The following SPATA9 variants were observed in gnomAD, a reference collection of about 807,000 sequenced individuals.
The protein encoded by SPATA9 is spermatogenesis associated 9.
SPATA9 carries 27 observed loss-of-function variants against 25.5 expected under a neutral mutation model. That is an observed-to-expected ratio of 1.06 (90% CI 0.78 to 1.46). SPATA9 has a LOEUF of 1.46. Among genes scored for constraint, SPATA9 ranks in the 40% most tolerant of loss-of-function variants. The pLI, the probability that SPATA9 is intolerant of heterozygous loss-of-function variation, is 0.00. For synonymous variants in SPATA9, 102 were observed against 105.7 expected, an observed-to-expected ratio of 0.97 and a Z score of 0.21; for missense variants, 282 against 297.5, an observed-to-expected ratio of 0.95 and a Z score of 0.38.
Position 95,658,804 on chromosome 5 carries a change from T to C in SPATA9, c.584A>G (p.Glu195Gly). ...ESENCRKAFS[E>G]PVLSEPMFAE... ...AAACATAGGCTCCGAAAGCACAGGC[T>C]CAGAAAAGGCTTTTCTACAATTTTC... Residue 195 changes from glutamate to glycine, a missense_variant, in exon 5 of 5, where the codon GAG becomes GGG. Coordinates refer to ENST00000274432, the MANE Select transcript of SPATA9 (RefSeq NM_031952.4). 1.2e-6 allele frequency: 2 copies of C among 1,613,986 alleles called. No homozygotes were observed. Among genetic ancestry groups the C allele is most frequent in the Non-Finnish European group, 1.7e-6 (2 of 1,179,938 alleles).
At chr5:95,712,810 C>A in the SPATA9 span, among the ~76,000 whole-genome samples, 1 of 152,148 alleles carries the variant, frequency 6.6e-6, no homozygotes, top group African/African-American at 2.4e-5. Context: ...CTGTTTTAAG[C>A]CCCTAAACTT....
the SPATA9 span, among the ~76,000 whole-genome samples, chr5:95,726,969 T>C: frequency 6.6e-6 from 1 of 152,116 alleles, no homozygotes; most frequent in Non-Finnish European, 1.5e-5. Flanking sequence ...TCCCCCCTTT[T>C]TTTTTTCAGT....
the SPATA9 span, chr5:95,731,781 C>G: frequency 6.2e-7 from 1 of 1,603,526 alleles, no homozygotes; most frequent in Non-Finnish European, 8.5e-7. Context: ...CGCGCTGTCC[C>G]CCGCACTTCC....
At chr5:95,707,735 G>C in the SPATA9 span, among the ~76,000 whole-genome samples, 8 of 152,126 alleles carry the variant, frequency 5.3e-5, no homozygotes, top group Non-Finnish European at 1.2e-4. Flanking sequence ...TTAAGTCCTT[G>C]AGGAGGGAGC....
intron 4 of SPATA9, among the ~76,000 whole-genome samples, chr5:95,662,271 A>C (rs1236494788): frequency 6.6e-6 from 1 of 152,238 alleles, no homozygotes; most frequent in Non-Finnish European, 1.5e-5. Flanking sequence ...TTATAAATCT[A>C]AACGTGAAAG....
chr5:95,670,823 G>A, intron 3 of SPATA9: 1 of 984,752 alleles, frequency 1.0e-6, no homozygotes, highest in Non-Finnish European at 1.2e-6. Flanking sequence ...ATACATTCCG[G>A]TTGCACCTTT....
chr5:95,711,059 T>A, the SPATA9 span, among the ~76,000 whole-genome samples: 39 of 152,252 alleles, frequency 2.6e-4, no homozygotes, highest in African/African-American at 9.1e-4. Context: ...ACGCTCCTGG[T>A]GACTCATCGG....
intron 4 of SPATA9, among the ~76,000 whole-genome samples, chr5:95,661,394 T>A (rs568026250): frequency 1.3e-5 from 2 of 152,278 alleles, no homozygotes; most frequent in South Asian, 4.1e-4. Flanking sequence ...AATTGTAACC[T>A]GACCTCTCCC....
At chr5:95,675,783 A>C in intron 2 of SPATA9, 144 bp from the exon 3 acceptor site, 1 of 551,186 alleles carries the variant, frequency 1.8e-6, no homozygotes, top group Non-Finnish European at 3.1e-6. Flanking sequence ...CTGTCCCCCC[A>C]TGAAACCCCT....
chr5:95,705,153 A>T, the SPATA9 span, among the ~76,000 whole-genome samples: 4 of 151,874 alleles, frequency 2.6e-5, no homozygotes, highest in African/African-American at 9.7e-5. Context: ...TTTTTTGTAG[A>T]GATAGAGTTT....
chr5:95,731,418 G>A, the SPATA9 span: 149 of 1,190,474 alleles, frequency 1.3e-4, no homozygotes, highest in Middle Eastern at 3.3e-4. Context: ...GCTGTGCGGC[G>A]GTCCCGCGCC....
At chr5:95,690,857 T>C (rs1333647309) in intron 1 of SPATA9, among the ~76,000 whole-genome samples, 1 of 152,228 alleles carries the variant, frequency 6.6e-6, no homozygotes, top group Non-Finnish European at 1.5e-5. Flanking sequence ...AAACACATTT[T>C]TAAAAGACAA....
chr5:95,711,321 AAG>A, the SPATA9 span, among the ~76,000 whole-genome samples: 8 of 152,134 alleles, frequency 5.3e-5, no homozygotes, highest in Non-Finnish European at 1.2e-4. Context: ...CTCAGAGGTA[AAG>A]AGAGTTAAAA....
the SPATA9 span, among the ~76,000 whole-genome samples, chr5:95,718,173 TA>T: frequency 4.6e-5 from 7 of 152,130 alleles, no homozygotes; most frequent in African/African-American, 1.4e-4. Context: ...TTTTTTCTTT[TA>T]AAAAAAGTTG....
chr5:95,663,492 GT>G (rs926340214), intron 4 of SPATA9, among the ~76,000 whole-genome samples: 2 of 152,006 alleles, frequency 1.3e-5, no homozygotes, highest in African/African-American at 2.4e-5. Flanking sequence ...GTGTGTTACA[GT>G]TTTTTTAAGT....
chr5:95,721,507 A>G, the SPATA9 span, among the ~76,000 whole-genome samples: 1 of 152,174 alleles, frequency 6.6e-6, no homozygotes, highest in African/African-American at 2.4e-5. Context: ...ATCTGGCTAA[A>G]TATAGCCAGG....
chr5:95,687,805 T>C (rs1021612681), upstream of SPATA9, among the ~76,000 whole-genome samples: 3 of 152,232 alleles, frequency 2.0e-5, no homozygotes, highest in African/African-American at 7.2e-5. Context: ...TTGTTGTCTG[T>C]TTCCCCTATC....
chr5:95,701,377 G>T (rs750553412), upstream of SPATA9: 1 of 151,976 alleles, frequency 6.6e-6, no homozygotes, highest in Non-Finnish European at 1.5e-5. Flanking sequence ...TAAACCTTTG[G>T]TAAGGAGAAA....
At chr5:95,701,762 C>T (rs62366973), upstream of SPATA9, among the ~76,000 whole-genome samples, 554 of 152,130 alleles carry the variant, frequency 3.6e-3, 2 homozygotes, top group Non-Finnish European at 6.1e-3. Context: ...TATTTGCATG[C>T]TGAGAAAACA....
Sources: allele counts gnomAD v4.1 joint callset (sites outside exome capture counted in the v4.1 genomes callset), GRCh38; gene constraint gnomAD v4.1.1; transcripts MANE v1.5; gene names NCBI Gene and HGNC (gene_info 2026-07-23, HGNC 2026-07-21).